Variants in ABCA12 observed in about 807,000 individuals in gnomAD.
ABCA12 encodes ATP binding cassette subfamily A member 12.
ABCA12 carries 156 observed loss-of-function variants against 293.5 expected under a neutral mutation model. The ratio of observed to expected loss-of-function variants is 0.53; its 90% confidence interval spans 0.47 to 0.61. ABCA12 has a LOEUF of 0.61. ABCA12 is among the 20% of genes least tolerant of loss of function. The pLI, the probability that ABCA12 is intolerant of heterozygous loss-of-function variation, is 0.00. For synonymous variants in ABCA12, 1,063 were observed against 1,108.0 expected, an observed-to-expected ratio of 0.96 and a Z score of 0.81; for missense variants, 2,797 against 3,090.2, an observed-to-expected ratio of 0.91 and a Z score of 2.25.
chr2:215,061,000 C>T (rs1701516771), intron 3 of ABCA12, among the ~76,000 whole-genome samples: 1 of 151,948 alleles, frequency 6.6e-6, no homozygotes, highest in Non-Finnish European at 1.5e-5. Flanking sequence ...AAATAATGAC[C>T]CTGTATGCTC....
chr2:215,056,326 T>C (rs1441229901), intron 3 of ABCA12, among the ~76,000 whole-genome samples: 1 of 151,996 alleles, frequency 6.6e-6, no homozygotes, highest in Non-Finnish European at 1.5e-5. Context: ...CAAATAGCAT[T>C]TAAACACCAT....
chr2:215,018,098 C>T lies in ABCA12; in HGVS notation c.1692G>A (p.Glu564=). The T allele has an allele frequency of 6.2e-7, 1 of 1,613,880 alleles. No individual in the cohort carries two copies. The highest frequency in any genetic ancestry group is 1.7e-5 in the Admixed American group (1 of 60,020). The stretch of plus-strand genomic sequence containing the variant: ...TTGTTCTCCTTAAATCTTCTTTCAG[C>T]TCTTCAACATTTTTAAACATTTCTA... ...QLLEMFKNVE[E]LKEDLRRTTG... Residue 564 remains glutamate (E), a synonymous_variant, in exon 14 of 53, where the codon GAG becomes GAA. Coordinates refer to ENST00000272895, the MANE Select transcript of ABCA12 (RefSeq NM_173076.3).
intron 22 of ABCA12, among the ~76,000 whole-genome samples, chr2:214,998,375 C>A (rs1700077722): frequency 6.6e-6 from 1 of 152,120 alleles, no homozygotes; most frequent in South Asian, 2.1e-4. Flanking sequence ...CCAGGCTGGT[C>A]TCGAATTCCT....
chr2:215,137,977 A>G (rs1037284394), intron 1 of ABCA12, among the ~76,000 whole-genome samples, 163 bp downstream of exon 1: 1 of 152,164 alleles, frequency 6.6e-6, no homozygotes, highest in Non-Finnish European at 1.5e-5. Flanking sequence ...GACTCGCTCC[A>G]TTAGCTATAA....
intron 33 of ABCA12, among the ~76,000 whole-genome samples, chr2:214,976,254 G>A (rs1441615359): frequency 6.6e-6 from 1 of 152,148 alleles, no homozygotes; most frequent in Non-Finnish European, 1.5e-5. Context: ...AGAACTGTGT[G>A]TAAAGTGATT....
At chr2:215,094,433 C>T (rs573383641) in intron 2 of ABCA12, among the ~76,000 whole-genome samples, 1 of 152,276 alleles carries the variant, frequency 6.6e-6, no homozygotes, top group South Asian at 2.1e-4. Flanking sequence ...CTTGCTCTCC[C>T]ACTGAAGTTG....
At position 215,018,150 on chromosome 2, in the gene ABCA12, T is replaced by A; in HGVS notation, c.1658-18A>T. On this transcript the variant is annotated intron_variant, in intron 13 of 52. Transcript: ENST00000272895. ...TAACTGACCTGCAAGAAGAAAAATG[T>A]AAAAAGAAAACCCATGTTGGTTTGT... 1 of 1,608,264 alleles carries A rather than the reference T, an allele frequency of 6.2e-7. No homozygotes were observed. Among genetic ancestry groups the A allele is most frequent in the Non-Finnish European group, 8.5e-7 (1 of 1,177,708 alleles).
chr2:215,015,792 T>G, intron 14 of ABCA12, 129 bp from the exon 15 acceptor site: 1 of 790,974 alleles, frequency 1.3e-6, no homozygotes, highest in South Asian at 1.5e-5. Context: ...AAACAACTTT[T>G]CATCTAAAGC....
At chr2:215,058,440 C>T (rs988554712) in intron 3 of ABCA12, among the ~76,000 whole-genome samples, 1 of 151,964 alleles carries the variant, frequency 6.6e-6, no homozygotes, top group Non-Finnish European at 1.5e-5. Context: ...ATGACCAAAC[C>T]AAATCAGGAG....
chr2:214,952,266 G>C (rs1299569574), intron 44 of ABCA12, among the ~76,000 whole-genome samples: 3 of 149,108 alleles, frequency 2.0e-5, no homozygotes, highest in African/African-American at 7.4e-5. Flanking sequence ...TGTCACGCAG[G>C]CTGGAGTGCA....
At chr2:215,001,772 T>G in intron 20 of ABCA12, 35 bp from the exon 21 acceptor site, 1 of 1,589,992 alleles carries the variant, frequency 6.3e-7, no homozygotes, top group Non-Finnish European at 8.6e-7. Flanking sequence ...AAAAAAAAAT[T>G]ATGGTCCTGA....
At chr2:215,059,983 C>T (rs879263112) in intron 3 of ABCA12, among the ~76,000 whole-genome samples, 3 of 151,898 alleles carry the variant, frequency 2.0e-5, no homozygotes, top group Non-Finnish European at 2.9e-5. Context: ...TTCTCAATGA[C>T]GACACTCTTA....
At chr2:215,121,858 T>C (rs898198764) in intron 1 of ABCA12, among the ~76,000 whole-genome samples, 1 of 152,164 alleles carries the variant, frequency 6.6e-6, no homozygotes, top group Admixed American at 6.5e-5. Context: ...CTTTGCTCCT[T>C]CTTTGCCTTC....
intron 2 of ABCA12, among the ~76,000 whole-genome samples, chr2:215,100,706 G>T (rs775450800): frequency 6.6e-6 from 1 of 152,030 alleles, no homozygotes; most frequent in Admixed American, 6.5e-5. Context: ...AGGTCAGAAC[G>T]CAGTCCTGCT....
intron 2 of ABCA12, among the ~76,000 whole-genome samples, chr2:215,090,457 C>A (rs937686480): frequency 3.9e-5 from 6 of 152,160 alleles, no homozygotes; most frequent in South Asian, 2.1e-4. Context: ...TAAGCGGCTT[C>A]TTTTTATTCT....
intron 3 of ABCA12, among the ~76,000 whole-genome samples, chr2:215,059,474 T>G (rs1043277781): frequency 1.3e-5 from 2 of 152,034 alleles, no homozygotes; most frequent in Non-Finnish European, 2.9e-5. Context: ...ATATCTCTTA[T>G]AAGTGGCCCA....
intron 36 of ABCA12, 136 bp downstream of exon 36, chr2:214,973,813 A>C (rs1223386667): frequency 1.3e-6 from 1 of 771,178 alleles, no homozygotes; most frequent in African/African-American, 1.7e-5. Context: ...TGAGCTGCCC[A>C]GATCCATATT....
intron 9 of ABCA12, chr2:215,030,092 C>A (rs145795530): frequency 9.9e-5 from 15 of 152,250 alleles, no homozygotes; most frequent in African/African-American, 3.6e-4. Flanking sequence ...GTATGGAATT[C>A]TTCCTAATAA....
intron 14 of ABCA12, among the ~76,000 whole-genome samples, chr2:215,016,169 A>T (rs968101129): frequency 6.6e-6 from 1 of 151,902 alleles, no homozygotes; most frequent in Non-Finnish European, 1.5e-5. Flanking sequence ...AAGATGGGGA[A>T]AAAAGAGACA....
Sources: allele counts gnomAD v4.1 joint callset (sites outside exome capture counted in the v4.1 genomes callset), GRCh38; gene constraint gnomAD v4.1.1; transcripts MANE v1.5; gene names NCBI Gene and HGNC (gene_info 2026-07-23, HGNC 2026-07-21).